Variants in MAD1L1 observed in about 807,000 individuals in gnomAD.
The protein encoded by MAD1L1 is mitotic spindle assembly checkpoint protein MAD1.
In MAD1L1, 95 loss-of-function variants were observed where a neutral mutation model predicts 96.9. That is an observed-to-expected ratio of 0.98 (90% confidence interval 0.83 to 1.16). The LOEUF (loss-of-function observed/expected upper bound fraction) is 1.16. Ranked by LOEUF, MAD1L1 falls within the 50% of genes most tolerant of loss-of-function variation. The pLI is 0.00. For missense variants in MAD1L1, 1,007 were observed against 954.4 expected (o/e 1.06, Z -0.73); for synonymous variants, 473 against 396.6 (o/e 1.19, Z -2.29).
chr7:1,938,799 A>G (rs1778758582), intron 16 of MAD1L1, among the ~76,000 whole-genome samples: 1 of 146,616 alleles, frequency 6.8e-6, no homozygotes, highest in Non-Finnish European at 1.5e-5. Flanking sequence ...GACTGGGACC[A>G]GAGGCGCACA....
intron 12 of MAD1L1, among the ~76,000 whole-genome samples, chr7:2,030,073 G>C (rs1046219362): frequency 2.0e-5 from 3 of 152,212 alleles, no homozygotes; most frequent in African/African-American, 7.2e-5. Flanking sequence ...TGGAAATCGA[G>C]TCTTTGGCCC....
intron 17 of MAD1L1, among the ~76,000 whole-genome samples, chr7:1,922,448 T>TAC (rs1440959490): frequency 6.6e-6 from 1 of 152,230 alleles, no homozygotes; most frequent in Non-Finnish European, 1.5e-5. Flanking sequence ...TTTACAGAAC[T>TAC]ACACAGACAC....
At chr7:2,153,836 C>T (rs1466272313) in intron 10 of MAD1L1, among the ~76,000 whole-genome samples, 5 of 152,216 alleles carry the variant, frequency 3.3e-5, no homozygotes, top group African/African-American at 7.2e-5. Flanking sequence ...GATGTACACA[C>T]AGTGGAATGC....
intron 18 of MAD1L1, among the ~76,000 whole-genome samples, chr7:1,818,859 G>A (rs1390282347): frequency 2.0e-5 from 3 of 151,760 alleles, no homozygotes; most frequent in African/African-American, 4.8e-5. Flanking sequence ...TGCCCTCCAG[G>A]TGGGGGTGGG....
chr7:1,816,023 G>A lies in MAD1L1; in HGVS notation c.*47C>T. ...TGGCTGGCGGGGCAGGGGACCTGCA[G>A]GTCAGGCCAAGCAGAGTGGCTCCGG... is the stretch of plus-strand genomic sequence containing the variant. On this transcript the variant is annotated 3_prime_UTR_variant, in exon 19 of 19. Coordinates refer to ENST00000265854, the MANE Select transcript of MAD1L1 (RefSeq NM_001013836.2). The A allele has an allele frequency of 6.5e-7, 1 of 1,543,270 alleles. No individual in the cohort carries two copies. Among genetic ancestry groups the A allele is most frequent in the Non-Finnish European group, 8.7e-7 (1 of 1,144,060 alleles).
rs1254299167 is a variant in MAD1L1 at position 1,962,806 on chromosome 7, G to A, written c.1506-5087C>T. On this transcript the variant is annotated intron_variant, in intron 15 of 18. Transcript: ENST00000265854. The stretch of plus-strand genomic sequence containing the variant: ...TGAAAACCTTTAAAAAACTAGCCGG[G>A]TGTGGTGGTGCACACCTGTAGTCCC... Among the ~76,000 whole-genome samples the A allele has an allele frequency of 2.0e-5, 3 of 152,194 alleles. No individual in the cohort carries two copies. The East Asian group carries it at 5.8e-4, about 29-fold the overall frequency.
At chr7:2,087,112 G>A (rs1785957842) in intron 11 of MAD1L1, among the ~76,000 whole-genome samples, 1 of 152,204 alleles carries the variant, frequency 6.6e-6, no homozygotes, top group South Asian at 2.1e-4. Flanking sequence ...GGGGAAGAGC[G>A]CTGTGACCAA....
At chr7:2,000,880 C>A (rs879461993) in intron 14 of MAD1L1, among the ~76,000 whole-genome samples, 2 of 152,236 alleles carry the variant, frequency 1.3e-5, no homozygotes, top group Non-Finnish European at 1.5e-5. Flanking sequence ...TGCCTCTCTG[C>A]GCCGCTGGGC....
At chr7:1,854,154 C>A (rs973728213) in intron 18 of MAD1L1, among the ~76,000 whole-genome samples, 3 of 152,142 alleles carry the variant, frequency 2.0e-5, no homozygotes, top group African/African-American at 7.2e-5. Flanking sequence ...CCCTGGGGCA[C>A]CTCCACCCCC....
At chr7:1,854,435 A>C (rs1784141108) in intron 18 of MAD1L1, 1 of 449,518 alleles carries the variant, frequency 2.2e-6, no homozygotes, top group Admixed American at 2.5e-5. Context: ...CACTTCTCAC[A>C]GGCCTGGAGG....
intron 18 of MAD1L1, among the ~76,000 whole-genome samples, chr7:1,875,727 C>T (rs558900963): frequency 2.8e-4 from 43 of 152,320 alleles, no homozygotes; most frequent in Non-Finnish European, 5.3e-4. Flanking sequence ...CAGACGTGTG[C>T]GAACATCTAT....
At chr7:1,940,024 C>G (rs1778870236) in intron 16 of MAD1L1, 1 of 152,468 alleles carries the variant, frequency 6.6e-6, no homozygotes, top group Admixed American at 6.5e-5. Context: ...TCACGTCACA[C>G]AAGCTAACTG....
chr7:2,048,096 C>A lies in MAD1L1; in HGVS notation c.1218+21098G>T, dbSNP rs1207206323. ...ACACGTCTCCTACACAGAGCTCATG[C>A]AGCACAGACACGCACACAGTAATGC... On this transcript the variant is annotated intron_variant, in intron 12 of 18. Coordinates refer to ENST00000265854, the MANE Select transcript of MAD1L1 (RefSeq NM_001013836.2). Among the ~76,000 whole-genome samples, 3 of 152,212 alleles carry A rather than the reference C, an allele frequency of 2.0e-5. No individual in the cohort carries two copies. The East Asian group carries it at 5.8e-4, about 29-fold the overall frequency.
chr7:1,925,359 G>A (rs145480208), intron 17 of MAD1L1, among the ~76,000 whole-genome samples: 4 of 152,292 alleles, frequency 2.6e-5, no homozygotes, highest in Admixed American at 6.5e-5. Context: ...ATCACAGCAG[G>A]CATCCTAGTC....
chr7:1,867,166 T>A (rs1784814784), intron 18 of MAD1L1, among the ~76,000 whole-genome samples: 1 of 152,156 alleles, frequency 6.6e-6, no homozygotes, highest in Non-Finnish European at 1.5e-5. Flanking sequence ...GATGGCACGG[T>A]CAGTGCCACA....
At chr7:1,979,710 G>C (rs1780806119) in intron 15 of MAD1L1, among the ~76,000 whole-genome samples, 1 of 152,220 alleles carries the variant, frequency 6.6e-6, no homozygotes. Flanking sequence ...GTGGCAGAGA[G>C]CTGGCAGCAT....
At chr7:1,959,551 G>A (rs975110649) in intron 15 of MAD1L1, among the ~76,000 whole-genome samples, 3 of 152,166 alleles carry the variant, frequency 2.0e-5, no homozygotes, top group African/African-American at 7.2e-5. Flanking sequence ...CAGGACCACG[G>A]CACGGAAAAC....
At chr7:1,830,981 A>G (rs1440267128) in intron 18 of MAD1L1, among the ~76,000 whole-genome samples, 1 of 152,288 alleles carries the variant, frequency 6.6e-6, no homozygotes, top group Non-Finnish European at 1.5e-5. Flanking sequence ...ACTCAGCTAT[A>G]TCCTGCTTTT....
At chr7:1,881,159 G>C (rs1486585781) in intron 18 of MAD1L1, among the ~76,000 whole-genome samples, 1 of 152,192 alleles carries the variant, frequency 6.6e-6, no homozygotes, top group Admixed American at 6.5e-5. Flanking sequence ...AATTACACGA[G>C]ATGAGCCAAG....
Sources: gnomAD v4.1 joint callset for allele counts (sites outside exome capture counted in the v4.1 genomes callset) on GRCh38, gnomAD v4.1.1 for gene constraint, MANE v1.5 for transcripts, NCBI Gene and HGNC (gene_info 2026-07-23, HGNC 2026-07-21) for gene names.